The following FRYL variants were observed in gnomAD, a reference collection of about 807,000 sequenced individuals.
FRYL encodes FRY like transcription coactivator, also known as protein furry homolog-like.
Under a neutral mutation model 351.2 loss-of-function variants are expected in FRYL, and 150 were observed. That is an observed-to-expected ratio of 0.43 (90% CI 0.37 to 0.49). The LOEUF is 0.49. FRYL is among the 20% of genes least tolerant of loss of function. The pLI is 0.00. For synonymous variants in FRYL, 1,153 were observed against 1,257.1 expected, an observed-to-expected ratio of 0.92 and a Z score of 1.75; for missense variants, 3,036 against 3,619.3, an observed-to-expected ratio of 0.84 and a Z score of 4.13.
chr4:48,709,981 C>G (rs1423306709), intron 2 of FRYL, among the ~76,000 whole-genome samples: 1 of 152,190 alleles, frequency 6.6e-6, no homozygotes, highest in Non-Finnish European at 1.5e-5. Context: ...CAATTTTACT[C>G]TTCCCTCACT....
chr4:48,541,889 C>T, intron 45 of FRYL, 138 bp downstream of exon 45: 1 of 626,118 alleles, frequency 1.6e-6, no homozygotes, highest in Non-Finnish European at 2.9e-6. Context: ...CTGTCTGCGG[C>T]CCATCTCCCC....
chr4:48,522,326 T>C (rs1001585535), intron 54 of FRYL, among the ~76,000 whole-genome samples: 1 of 152,164 alleles, frequency 6.6e-6, no homozygotes, highest in African/African-American at 2.4e-5. Flanking sequence ...TGTGTAACCA[T>C]AGCTGGTGCC....
chr4:48,715,193 T>C (rs1369654712), intron 1 of FRYL, among the ~76,000 whole-genome samples: 15 of 151,520 alleles, frequency 9.9e-5, no homozygotes, highest in Non-Finnish European at 1.8e-4. Flanking sequence ...ACTGGAAGCA[T>C]TCCCTTTGAA....
chr4:48,594,025 A>G lies in FRYL; in HGVS notation c.1249-9T>C. 7.1e-7 allele frequency: 1 copy of G among 1,409,438 alleles called. No individual in the cohort carries two copies. The highest frequency in any genetic ancestry group is 1.4e-5 in the South Asian group (1 of 69,044). The allele number at this position is 1,409,438 out of a possible 1,614,324, so 87.3% of individuals were successfully genotyped here. On this transcript the variant is annotated splice_polypyrimidine_tract_variant and intron_variant, in intron 15 of 63. Transcript: ENST00000358350. ...GCAAAATCCAAGCGTTCCTTAAAAA[A>G]AAAAAAATCCTTATAACTTGCTACT...
In FRYL at chr4:48,707,686, T is replaced by A. The variant is rs369824715; in HGVS notation, c.-204+2833A>T. ...AACTGTTCCAGGTAATAATGAGGTC[T>A]AAGGCAAGAAGTGATTGAAGTGAGA... On this transcript the variant is annotated intron_variant, in intron 2 of 63. Transcript: ENST00000358350. 1.3e-4 allele frequency among the ~76,000 whole-genome samples: 20 copies of A among 152,326 alleles called. No homozygotes were observed. The East Asian group carries it at 3.9e-3, about 29-fold the overall frequency.
At chr4:48,613,876 A>G (rs1451751957) in intron 7 of FRYL, among the ~76,000 whole-genome samples, 3 of 151,984 alleles carry the variant, frequency 2.0e-5, no homozygotes, top group African/African-American at 7.3e-5. Flanking sequence ...GAATTGCTTA[A>G]ACCCAAGAGG....
chr4:48,679,639 CA>C, intron 3 of FRYL, among the ~76,000 whole-genome samples: 1 of 151,580 alleles, frequency 6.6e-6, no homozygotes, highest in East Asian at 1.9e-4. Context: ...GTAGGATGAC[CA>C]TAGTAATAAT....
Position 48,535,608 on chromosome 4 carries a change from C to CACAT in FRYL, c.6564+48_6564+49insATGT, listed in dbSNP as rs1319707833. ...ACATACACACACACACACACACACA[C>CACAT]ACACACATATATATATAGTAAATAA... On this transcript the variant is annotated intron_variant, in intron 48 of 63. Transcript: ENST00000358350. 5 of 1,157,048 alleles carry CACAT rather than the reference C, an allele frequency of 4.3e-6. No homozygotes were observed. The African/African-American group carries it at 7.8e-5, about 18-fold the overall frequency. 71.7% of individuals were successfully genotyped at this position (1,157,048 alleles called of 1,614,324 possible).
At chr4:48,746,745 C>G (rs1393745752) in intron 1 of FRYL, among the ~76,000 whole-genome samples, 1 of 152,052 alleles carries the variant, frequency 6.6e-6, no homozygotes, top group Non-Finnish European at 1.5e-5. Context: ...TATGCACGTA[C>G]CTATGACTGC....
intron 1 of FRYL, among the ~76,000 whole-genome samples, chr4:48,746,156 A>G (rs1772655733): frequency 1.3e-5 from 2 of 152,222 alleles, no homozygotes; most frequent in East Asian, 3.8e-4. Flanking sequence ...TGCATTTCCC[A>G]CAGGATGGGT....
chr4:48,654,156 C>T (rs1460018963), intron 3 of FRYL, among the ~76,000 whole-genome samples: 2 of 152,164 alleles, frequency 1.3e-5, no homozygotes, highest in Non-Finnish European at 2.9e-5. Context: ...TATGTAATCA[C>T]GACTGCTAGT....
At chr4:48,747,168 C>CCG (rs924246481) in intron 1 of FRYL, among the ~76,000 whole-genome samples, 9 of 150,848 alleles carry the variant, frequency 6.0e-5, no homozygotes, top group East Asian at 3.9e-4. Flanking sequence ...CCTATCCCCC[C>CCG]CCAAAAAAAG....
At chr4:48,720,225 T>C (rs1316362944) in intron 1 of FRYL, among the ~76,000 whole-genome samples, 1 of 151,378 alleles carries the variant, frequency 6.6e-6, no homozygotes, top group Non-Finnish European at 1.5e-5. Context: ...AGGCTGGGCA[T>C]GGCGGCTCAT....
chr4:48,560,088 G>C (rs1410470289), intron 33 of FRYL, among the ~76,000 whole-genome samples: 1 of 152,122 alleles, frequency 6.6e-6, no homozygotes. Flanking sequence ...GTGAGGAAGG[G>C]GTTAGGAGCA....
At chr4:48,740,750 C>A (rs1247562075) in intron 1 of FRYL, among the ~76,000 whole-genome samples, 1 of 152,094 alleles carries the variant, frequency 6.6e-6, no homozygotes, top group Non-Finnish European at 1.5e-5. Flanking sequence ...TGGATAAAAT[C>A]CAGAGCAATG....
chr4:48,632,872 T>G (rs1458342793), intron 4 of FRYL, among the ~76,000 whole-genome samples: 1 of 152,274 alleles, frequency 6.6e-6, no homozygotes, highest in East Asian at 1.9e-4. Context: ...ACTTTCTTCC[T>G]GCCCTGTCCT....
chr4:48,520,764 G>T, intron 55 of FRYL: 2 of 253,322 alleles, frequency 7.9e-6, no homozygotes, highest in Middle Eastern at 1.2e-3. Context: ...AATAGATGAT[G>T]CTCGCCAACC....
chr4:48,668,226 T>C (rs1762068734), intron 3 of FRYL, among the ~76,000 whole-genome samples: 2 of 152,152 alleles, frequency 1.3e-5, no homozygotes, highest in African/African-American at 4.8e-5. Flanking sequence ...TATCTGGCCC[T>C]TTACAGAAAA....
At chr4:48,525,828 T>C (rs562555794) in intron 53 of FRYL, among the ~76,000 whole-genome samples, 1 of 152,124 alleles carries the variant, frequency 6.6e-6, no homozygotes, top group South Asian at 2.1e-4. Context: ...ATATGAGTAG[T>C]ATATGTACAT....
Sources: gnomAD v4.1 joint callset for allele counts (sites outside exome capture counted in the v4.1 genomes callset) on GRCh38, gnomAD v4.1.1 for gene constraint, MANE v1.5 for transcripts, NCBI Gene and HGNC (gene_info 2026-07-23, HGNC 2026-07-21) for gene names.